RTN4: variants seen among roughly 807,000 people sequenced by gnomAD.
RTN4 encodes the protein reticulon 4.
A neutral mutation model predicts 90.4 loss-of-function variants in RTN4; 32 were observed. The ratio of observed to expected loss-of-function variants is 0.35; its 90% CI spans 0.27 to 0.48. The LOEUF (loss-of-function observed/expected upper bound fraction) is 0.48, where lower values mean the gene tolerates loss of function less well. Ranked by LOEUF, RTN4 falls within the 20% of genes least tolerant of loss-of-function variation. The probability of loss-of-function intolerance (pLI) is 0.99; values close to 1 mark genes in which losing one functional copy is unlikely to be tolerated. For synonymous variants in RTN4, 629 were observed against 552.5 expected, an observed-to-expected ratio of 1.14 and a Z score of -1.94; for missense variants, 1,706 against 1,430.2, an observed-to-expected ratio of 1.19 and a Z score of -3.11.
intron 3 of RTN4, chr2:55,010,518 G>T: frequency 4.4e-6 from 1 of 227,000 alleles, no homozygotes; most frequent in Non-Finnish European, 7.5e-6. Context: ...GCCATATGCA[G>T]TTTTTTTTTC....
upstream of RTN4, among the ~76,000 whole-genome samples, chr2:55,116,759 G>A (rs1668132683): frequency 6.6e-6 from 1 of 152,116 alleles, no homozygotes; most frequent in African/African-American, 2.4e-5. Flanking sequence ...CCTCTGTGGG[G>A]AGCAAGATTC....
chr2:54,982,041 G>A (rs2588514), intron 5 of RTN4, among the ~76,000 whole-genome samples: 46,132 of 151,826 alleles, frequency 0.3, 8,090 homozygotes, highest in East Asian at 0.63. Flanking sequence ...CGAAACCTCT[G>A]CCTCCCGGGT....
At chr2:55,033,265 C>T (rs753642635) in intron 1 of RTN4, among the ~76,000 whole-genome samples, 5 of 152,058 alleles carry the variant, frequency 3.3e-5, no homozygotes, top group Non-Finnish European at 5.9e-5. Context: ...ATAAGAATGA[C>T]CTCACCTCTC....
intron 1 of RTN4, among the ~76,000 whole-genome samples, chr2:55,099,861 T>C (rs1482804116): frequency 6.6e-6 from 1 of 152,140 alleles, no homozygotes; most frequent in East Asian, 1.9e-4. Flanking sequence ...GAATAGGGCC[T>C]GGCACATAGG....
chr2:55,110,719 C>T, intron 1 of RTN4, among the ~76,000 whole-genome samples: 1 of 152,150 alleles, frequency 6.6e-6, no homozygotes, highest in Middle Eastern at 3.2e-3. Flanking sequence ...AAGCCAACCT[C>T]AAATCAGGAA....
chr2:55,007,214 C>A (rs971647204), intron 3 of RTN4, among the ~76,000 whole-genome samples: 2 of 152,074 alleles, frequency 1.3e-5, no homozygotes, highest in Non-Finnish European at 2.9e-5. Context: ...GTATTCCTTC[C>A]TTGAATTTCT....
intron 3 of RTN4, among the ~76,000 whole-genome samples, chr2:54,993,353 A>G (rs1176949647): frequency 1.3e-5 from 2 of 152,168 alleles, no homozygotes. Context: ...TATTGGAAAA[A>G]GAACACCCTG....
chr2:55,031,327 T>TAC (rs1490299240), intron 1 of RTN4, among the ~76,000 whole-genome samples: 1 of 152,176 alleles, frequency 6.6e-6, no homozygotes, highest in African/African-American at 2.4e-5. Context: ...TGGTCTACAG[T>TAC]ACAGAGAGAA....
intron 1 of RTN4, among the ~76,000 whole-genome samples, chr2:55,033,620 T>C (rs1037804893): frequency 3.3e-5 from 5 of 152,202 alleles, no homozygotes; most frequent in Non-Finnish European, 7.4e-5. Flanking sequence ...ACAAGAAGGC[T>C]ATGATGTGCC....
In RTN4 at chr2:55,107,403, C is replaced by CAAA. The variant is rs35664699; in HGVS notation, c.-214+5114_-214+5116dup. Among the ~76,000 whole-genome samples, 110 of 101,172 alleles carry CAAA rather than the reference C, an allele frequency of 1.1e-3. 2 individuals are homozygous for CAAA. Among genetic ancestry groups the CAAA allele is most frequent in the Non-Finnish European group, 1.7e-3 (89 of 52,116 alleles). 66.4% of individuals were successfully genotyped at this position (101,172 alleles called of 152,430 possible). Reference sequence around the variant, plus strand: ...TTTGCTGAATGTAAAGACTGAACCTCAAAAAAAAAAAAAAAAAAAAGGAAA... The same window carrying CAAA: ...TTTGCTGAATGTAAAGACTGAACCTCAAAAAAAAAAAAAAAAAAAAAAAGGAAA... On this transcript the variant is annotated intron_variant, in intron 1 of 3. Transcript: ENST00000427710.
intron 3 of RTN4, among the ~76,000 whole-genome samples, chr2:54,996,241 TGAAA>T (rs1679417475): frequency 6.6e-6 from 1 of 152,178 alleles, no homozygotes; most frequent in African/African-American, 2.4e-5. Context: ...GTTCATGAAT[TGAAA>T]GACATTAAGA....
At chr2:54,997,918 G>T (rs1473014435) in intron 3 of RTN4, among the ~76,000 whole-genome samples, 1 of 152,046 alleles carries the variant, frequency 6.6e-6, no homozygotes, top group Non-Finnish European at 1.5e-5. Flanking sequence ...GTATAGATAG[G>T]AATAAACAGT....
intron 3 of RTN4, among the ~76,000 whole-genome samples, chr2:55,004,105 C>T (rs1465060524): frequency 6.6e-6 from 1 of 152,112 alleles, no homozygotes. Flanking sequence ...CAGAGAACTC[C>T]CACTAGGTTT....
intron 1 of RTN4, among the ~76,000 whole-genome samples, chr2:55,097,853 G>T (rs781408697): frequency 6.6e-6 from 1 of 152,064 alleles, no homozygotes; most frequent in Non-Finnish European, 1.5e-5. Context: ...AATCACCAGT[G>T]TATAGGCAAG....
At chr2:55,131,678 G>C in the RTN4 span, among the ~76,000 whole-genome samples, 2 of 152,122 alleles carry the variant, frequency 1.3e-5, no homozygotes, top group Non-Finnish European at 2.9e-5. Context: ...GAAGTCAGGA[G>C]TTCGAGACCA....
intron 1 of RTN4, among the ~76,000 whole-genome samples, chr2:55,041,881 C>G (rs1683100576): frequency 6.6e-6 from 1 of 151,818 alleles, no homozygotes; most frequent in South Asian, 2.1e-4. Context: ...ATAAATCTGA[C>G]TACATAAAAA....
chr2:55,095,713 A>AT (rs1416988713), intron 1 of RTN4, among the ~76,000 whole-genome samples: 9 of 152,086 alleles, frequency 5.9e-5, no homozygotes, highest in South Asian at 2.1e-4. Flanking sequence ...TAATTTTTAA[A>AT]TTTTTTTTGT....
intron 2 of RTN4, among the ~76,000 whole-genome samples, chr2:55,074,055 G>A (rs1262983967): frequency 6.6e-6 from 1 of 152,210 alleles, no homozygotes; most frequent in Non-Finnish European, 1.5e-5. Flanking sequence ...TGGCAAGTAA[G>A]TAAACATAAT....
At chr2:54,990,886 T>C (rs545039126) in intron 3 of RTN4, among the ~76,000 whole-genome samples, 3 of 152,114 alleles carry the variant, frequency 2.0e-5, no homozygotes, top group Non-Finnish European at 4.4e-5. Context: ...CCCAGGTTCA[T>C]GGCATTCTCC....
Sources: allele counts gnomAD v4.1 joint callset (sites outside exome capture counted in the v4.1 genomes callset), GRCh38; gene constraint gnomAD v4.1.1; transcripts MANE v1.5; gene names NCBI Gene and HGNC (gene_info 2026-07-23, HGNC 2026-07-21).